The following GRK5 variants were observed in gnomAD, a reference collection of about 807,000 sequenced individuals.
The protein encoded by GRK5 is g protein-coupled receptor kinase GRK5.
In GRK5, 40 loss-of-function variants were observed where a neutral mutation model predicts 78.4. That is an observed-to-expected ratio of 0.51 (90% CI 0.40 to 0.66). The LOEUF is 0.66. Among genes scored for constraint, GRK5 ranks in the 30% least tolerant of loss-of-function variants. GRK5 has a pLI of 0.00. For missense variants in GRK5, 598 were observed against 759.9 expected (o/e 0.79, Z 2.50); for synonymous variants, 289 against 296.8 (o/e 0.97, Z 0.27).
At chr10:119,273,087 G>T (rs1349246043) in intron 1 of GRK5, among the ~76,000 whole-genome samples, 2 of 152,182 alleles carry the variant, frequency 1.3e-5, no homozygotes, top group Non-Finnish European at 2.9e-5. Context: ...CGTATTCCAT[G>T]CCTCGGAATA....
intron 2 of GRK5, chr10:119,377,977 CG>C (rs1851650835): frequency 6.5e-6 from 1 of 154,392 alleles, no homozygotes; most frequent in Non-Finnish European, 1.5e-5. Flanking sequence ...TGGGAGGCAA[CG>C]GGAATGCAGG....
At chr10:119,301,644 G>A (rs764824314) in intron 1 of GRK5, among the ~76,000 whole-genome samples, 6 of 152,190 alleles carry the variant, frequency 3.9e-5, no homozygotes, top group Non-Finnish European at 8.8e-5. Flanking sequence ...GTTGCCAGCA[G>A]CTTTCTCTTT....
intron 2 of GRK5, among the ~76,000 whole-genome samples, chr10:119,328,687 G>T (rs1190034622): frequency 6.6e-6 from 1 of 152,234 alleles, no homozygotes; most frequent in Non-Finnish European, 1.5e-5. Flanking sequence ...CCTTTCTGGG[G>T]TGTTGAGTTG....
intron 1 of GRK5, among the ~76,000 whole-genome samples, chr10:119,212,432 A>T (rs1848503108): frequency 6.6e-6 from 1 of 152,102 alleles, no homozygotes. Flanking sequence ...AGAAGCTATA[A>T]CTCTTATAGT....
intron 1 of GRK5, among the ~76,000 whole-genome samples, chr10:119,276,129 T>TA (rs1324935179): frequency 1.3e-5 from 2 of 152,214 alleles, no homozygotes; most frequent in African/African-American, 4.8e-5. Context: ...TTCTTTTTTT[T>TA]ATTACACTTT....
chr10:119,416,151 G>A (rs1023411700), intron 4 of GRK5, among the ~76,000 whole-genome samples: 8 of 152,228 alleles, frequency 5.3e-5, no homozygotes, highest in Non-Finnish European at 1.5e-5. Context: ...TCTCCACCCT[G>A]ACACTTGAAA....
intron 1 of GRK5, among the ~76,000 whole-genome samples, chr10:119,303,845 G>T (rs1189672160): frequency 1.3e-5 from 2 of 151,964 alleles, no homozygotes; most frequent in African/African-American, 4.8e-5. Context: ...GAAGGTGGGG[G>T]AGGGAAAGTG....
chr10:119,455,205 C>T lies in GRK5; in HGVS notation c.*138C>T, dbSNP rs760893433. ...CGGGGAAGGAGGCCGTCCATCCCGT[C>T]GACGTAGAACCTCGAGGTTTCTCAA... On this transcript the variant is annotated 3_prime_UTR_variant, in exon 16 of 16. Transcript: ENST00000392870. 1.5e-5 allele frequency: 11 copies of T among 749,460 alleles called. No individual in the cohort carries two copies. The highest frequency in any genetic ancestry group is 1.4e-4 in the Admixed American group (7 of 50,876). 46.4% of individuals were successfully genotyped at this position (749,460 alleles called of 1,614,324 possible). A position where few individuals can be genotyped will look rare whatever the true frequency, so the allele number is the denominator to read the frequency against.
chr10:119,366,532 CT>C (rs981184322), intron 2 of GRK5, among the ~76,000 whole-genome samples: 1 of 152,162 alleles, frequency 6.6e-6, no homozygotes, highest in African/African-American at 2.4e-5. Context: ...CTCAGCTTTT[CT>C]TTTTGGGAAG....
intron 12 of GRK5, among the ~76,000 whole-genome samples, chr10:119,444,112 G>A (rs1306708042): frequency 2.0e-5 from 3 of 152,144 alleles, no homozygotes; most frequent in South Asian, 2.1e-4. Flanking sequence ...GCCAAGCCCC[G>A]GCCCCTGCCC....
At position 119,223,523 on chromosome 10, in the gene GRK5, G is replaced by A. The variant is rs561563507; in HGVS notation, c.52+15554G>A. On this transcript the variant is annotated intron_variant, in intron 1 of 15. Coordinates refer to ENST00000392870, the MANE Select transcript of GRK5 (RefSeq NM_005308.3). ...ACCCTGGAGCTGGTGGGTTTTCTGA[G>A]TGCCTTCTGAGATTATCTTGGACAT... 1.1e-4 allele frequency among the ~76,000 whole-genome samples: 17 copies of A among 152,070 alleles called. No homozygotes were observed. In the South Asian group the frequency reaches 3.5e-3, roughly 32 times the overall value.
At chr10:119,312,320 G>A (rs967400746) in intron 1 of GRK5, among the ~76,000 whole-genome samples, 2 of 152,184 alleles carry the variant, frequency 1.3e-5, no homozygotes, top group Non-Finnish European at 2.9e-5. Flanking sequence ...CGTGAGAGCT[G>A]TGCAAAAGCT....
intron 2 of GRK5, among the ~76,000 whole-genome samples, chr10:119,365,257 A>G (rs1320731252): frequency 6.6e-6 from 1 of 152,276 alleles, no homozygotes; most frequent in East Asian, 1.9e-4. Context: ...TTTGGCAAGC[A>G]GTGGTATTGC....
chr10:119,390,822 G>C (rs2133842325), intron 3 of GRK5, among the ~76,000 whole-genome samples: 1 of 152,276 alleles, frequency 6.6e-6, no homozygotes, highest in South Asian at 2.1e-4. Context: ...CACAACACAA[G>C]AAAATTGTGA....
At chr10:119,357,492 G>A (rs1052224322) in intron 2 of GRK5, among the ~76,000 whole-genome samples, 34 of 152,340 alleles carry the variant, frequency 2.2e-4, no homozygotes, top group African/African-American at 7.5e-4. Flanking sequence ...CCATCCTGGT[G>A]CGTGCCTTCC....
chr10:119,411,786 A>G (rs1436539869), intron 4 of GRK5, among the ~76,000 whole-genome samples: 2 of 151,876 alleles, frequency 1.3e-5, no homozygotes, highest in Non-Finnish European at 2.9e-5. Context: ...CAATTAACAA[A>G]CAAACAAACA....
chr10:119,308,416 C>T (rs970583876), intron 1 of GRK5, among the ~76,000 whole-genome samples: 5 of 152,228 alleles, frequency 3.3e-5, no homozygotes, highest in African/African-American at 1.2e-4. Flanking sequence ...TGCTTCGGTA[C>T]AGTCATCTGT....
chr10:119,366,359 G>A (rs968630882), intron 2 of GRK5, among the ~76,000 whole-genome samples: 4 of 152,064 alleles, frequency 2.6e-5, no homozygotes, highest in Admixed American at 2.0e-4. Flanking sequence ...AGGCAAAGGG[G>A]GTGGCGGAGG....
rs1041088649 is a variant in GRK5, at chr10:119,430,525, C to G, written c.597+87C>G. 1 of 1,259,536 alleles carries G rather than the reference C, an allele frequency of 7.9e-7. No individual in the cohort carries two copies. Among genetic ancestry groups the G allele is most frequent in the Non-Finnish European group, 1.1e-6 (1 of 882,988 alleles). The allele number at this position is 1,259,536 out of a possible 1,614,324, so 78.0% of individuals were successfully genotyped here. A position where few individuals can be genotyped will look rare whatever the true frequency, so the allele number is the denominator to read the frequency against. Reference sequence around the variant, plus strand: ...TTCTAAATCAACCTAAAGGGTTGGCCCACGGGTCCCCCGGGGGCACCAGTG... The same window carrying G: ...TTCTAAATCAACCTAAAGGGTTGGCGCACGGGTCCCCCGGGGGCACCAGTG... On this transcript the variant is annotated intron_variant, in intron 7 of 15. Transcript: ENST00000392870. This position sits in a 1 kb window ranked among gnomAD's most constrained non-coding sequence, Gnocchi z 4.5.
Sources: gnomAD v4.1 joint callset for allele counts (sites outside exome capture counted in the v4.1 genomes callset) on GRCh38, gnomAD v4.1.1 for gene constraint, Gnocchi (gnomAD v3.1) non-coding constraint, MANE v1.5 for transcripts, NCBI Gene and HGNC (gene_info 2026-07-23, HGNC 2026-07-21) for gene names.